The following IL17B variants were observed in gnomAD, a reference collection of about 807,000 sequenced individuals.
IL17B encodes interleukin 17B.
Under a neutral mutation model 14.7 loss-of-function variants are expected in IL17B, and 14 were observed. The observed-to-expected ratio is 0.95, with a 90% CI of 0.63 to 1.49. The LOEUF is 1.49. Among genes scored for constraint, IL17B ranks in the 40% most tolerant of loss-of-function variants. The probability of loss-of-function intolerance (pLI) is 0.00; values close to 1 mark genes in which losing one functional copy is unlikely to be tolerated. For missense variants in IL17B, 233 were observed against 252.8 expected (o/e 0.92, Z 0.53); for synonymous variants, 105 against 94.8 (o/e 1.11, Z -0.62).
upstream of IL17B, among the ~76,000 whole-genome samples, chr5:149,384,254 G>C (rs1758773476): frequency 6.6e-6 from 1 of 152,182 alleles, no homozygotes; most frequent in South Asian, 2.1e-4. Flanking sequence ...CATTTGCCCT[G>C]CCCCTTATTA....
rs1025773188 is a variant in IL17B at position 149,387,309 on chromosome 5, G to A, written n.96-10284C>T. ...AGTGTGGAATCTGACCATTTCCAAAGTCTGGTTCCCAGGAAAGAAGCCTCG... is the reference window on the plus strand; with the variant it reads ...AGTGTGGAATCTGACCATTTCCAAAATCTGGTTCCCAGGAAAGAAGCCTCG... On this transcript the variant is annotated intron_variant and non_coding_transcript_variant, in intron 1 of 2. Transcript: ENST00000505432. Among the ~76,000 whole-genome samples the A allele has an allele frequency of 9.2e-5, 14 of 152,328 alleles. No homozygotes were observed. The East Asian group carries it at 2.5e-3, about 27-fold the overall frequency.
chr5:149,377,119 G>A, intron 1 of IL17B, 94 bp from the exon 2 acceptor site: 1 of 1,069,664 alleles, frequency 9.3e-7, no homozygotes, highest in Non-Finnish European at 1.3e-6. Flanking sequence ...TGCTCTTAGG[G>A]GTCTCCCAGG....
At chr5:149,400,080 T>G (rs1164095725) in intron 1 of IL17B, among the ~76,000 whole-genome samples, 3 of 152,134 alleles carry the variant, frequency 2.0e-5, no homozygotes, top group Non-Finnish European at 2.9e-5. Context: ...TCCCCAAATT[T>G]CTATGTTTAA....
intron 1 of IL17B, among the ~76,000 whole-genome samples, chr5:149,390,587 G>GCGCA (rs1373900753): frequency 7.0e-5 from 8 of 114,946 alleles, no homozygotes; most frequent in South Asian, 3.2e-4. Context: ...CCCTGAGTTA[G>GCGCA]CACACACACA....
At chr5:149,388,279 A>G (rs1473544303) in intron 1 of IL17B, among the ~76,000 whole-genome samples, 1 of 152,226 alleles carries the variant, frequency 6.6e-6, no homozygotes, top group Non-Finnish European at 1.5e-5. Context: ...CAGTCTGGCC[A>G]TCACATGGCT....
rs75663277 is a variant in IL17B, at chr5:149,396,372, C to G, written n.95+7736G>C. On this transcript the variant is annotated intron_variant and non_coding_transcript_variant, in intron 1 of 2. Coordinates refer to the IL17B transcript ENST00000505432. ...AAACAGTCAGGACATTTTGAAAGTGCCATTCATTGGCCAAAGTGAAGCATG... is the reference window on the plus strand; with the variant it reads ...AAACAGTCAGGACATTTTGAAAGTGGCATTCATTGGCCAAAGTGAAGCATG... Among the ~76,000 whole-genome samples, 1,199 of 152,238 alleles carry G rather than the reference C, an allele frequency of 7.9e-3. 34 individuals are homozygous for G. The East Asian group carries it at 0.093, about 12-fold the overall frequency.
intron 1 of IL17B, among the ~76,000 whole-genome samples, chr5:149,396,308 A>T (rs1759090640): frequency 6.6e-6 from 1 of 152,240 alleles, no homozygotes; most frequent in Admixed American, 6.5e-5. Flanking sequence ...TTCAGACCTA[A>T]CAGGGACATG....
At chr5:149,383,140 CA>C (rs1758742654), upstream of IL17B, among the ~76,000 whole-genome samples, 1 of 152,204 alleles carries the variant, frequency 6.6e-6, no homozygotes, top group South Asian at 2.1e-4. Context: ...ACTTGGCTCT[CA>C]GTGGATTGTT....
chr5:149,398,816 G>A (rs1759149799), intron 1 of IL17B, among the ~76,000 whole-genome samples: 1 of 152,216 alleles, frequency 6.6e-6, no homozygotes, highest in Non-Finnish European at 1.5e-5. Context: ...TGAGGCAGGA[G>A]AATCTCTTGA....
intron 1 of IL17B, among the ~76,000 whole-genome samples, chr5:149,391,307 G>A (rs1021945613): frequency 6.6e-6 from 1 of 152,146 alleles, no homozygotes; most frequent in African/African-American, 2.4e-5. Flanking sequence ...AACTCTGGGT[G>A]GGATGGTCCC....
At chr5:149,383,224 T>C (rs1319662334), upstream of IL17B, among the ~76,000 whole-genome samples, 2 of 152,234 alleles carry the variant, frequency 1.3e-5, no homozygotes, top group African/African-American at 4.8e-5. Flanking sequence ...ACCCCATTAA[T>C]GGTAGCTGCA....
At position 149,374,873 on chromosome 5, in the gene IL17B, T is replaced by C. The variant is rs1758482204; in HGVS notation, c.312-273A>G. Reference sequence around the variant, plus strand: ...TGCAGCCAGATGCCCATCCCAGTACTAGGTTGCGCTGTGGGGATTGTGGAG... The same window carrying C: ...TGCAGCCAGATGCCCATCCCAGTACCAGGTTGCGCTGTGGGGATTGTGGAG... On this transcript the variant is annotated intron_variant, in intron 2 of 2. Transcript: ENST00000261796. The surrounding 1 kb of genome is among the most constrained non-coding windows in gnomAD (Gnocchi z 5.0). 2.5e-6 allele frequency: 1 copy of C among 404,554 alleles called. No homozygotes were observed. The highest frequency in any genetic ancestry group is 2.0e-5 in the African/African-American group (1 of 50,568). The allele number at this position is 404,554 out of a possible 1,614,324, so 25.1% of individuals were successfully genotyped here.
At chr5:149,399,408 A>G (rs999673785) in intron 1 of IL17B, among the ~76,000 whole-genome samples, 7 of 152,206 alleles carry the variant, frequency 4.6e-5, no homozygotes, top group African/African-American at 1.7e-4. Context: ...CATGCACACA[A>G]TTGCACACAA....
chr5:149,378,153 A>G (rs191082423), intron 1 of IL17B, among the ~76,000 whole-genome samples: 113 of 152,332 alleles, frequency 7.4e-4, no homozygotes, highest in African/African-American at 2.4e-3. Context: ...AAAAAAAAGA[A>G]AAAAGAACTT....
At chr5:149,387,614 T>C (rs914428451) in intron 1 of IL17B, among the ~76,000 whole-genome samples, 3 of 149,618 alleles carry the variant, frequency 2.0e-5, no homozygotes, top group African/African-American at 4.9e-5. Flanking sequence ...TACAAAAAAA[T>C]AATTTAAAAA....
At chr5:149,403,544 T>C (rs1759255646) in intron 1 of IL17B, among the ~76,000 whole-genome samples, 1 of 152,212 alleles carries the variant, frequency 6.6e-6, no homozygotes, top group African/African-American at 2.4e-5. Flanking sequence ...AGAGAACATA[T>C]GGGGCTTGAT....
chr5:149,399,564 G>A (rs10054004), intron 1 of IL17B, among the ~76,000 whole-genome samples: 32,341 of 151,948 alleles, frequency 0.21, 4,803 homozygotes, highest in African/African-American at 0.42. Context: ...ACAAATTTAC[G>A]AAGTTAGTTC....
At chr5:149,394,010 C>T (rs552317457) in intron 1 of IL17B, among the ~76,000 whole-genome samples, 6 of 152,182 alleles carry the variant, frequency 3.9e-5, no homozygotes, top group South Asian at 2.1e-4. Context: ...TTTTAAAATT[C>T]GTTAAAAGAC....
chr5:149,376,978 C>A lies in IL17B; in HGVS notation c.69G>T (p.Arg23Ser). The change falls in exon 2 of 3, where the codon AGG becomes AGT. Residue 23 changes from arginine (R) to serine (S), a missense_variant. By Grantham distance (110) the Arg-to-Ser change is moderately radical (BLOSUM62 -1). Transcript: ENST00000261796. Reference protein sequence around the residue: ...ISIFLGLGQPRSPKSKRKGQG... With the variant: ...ISIFLGLGQPSSPKSKRKGQG... ...GCCCCTTCCTCTTGCTTTTGGGGCT[C>A]CTGGGCTGGCCCAGCCCCAGGAAGA... 1 of 1,596,498 alleles carries A rather than the reference C, an allele frequency of 6.3e-7. No individual in the cohort carries two copies.
Sources: allele counts gnomAD v4.1 joint callset (sites outside exome capture counted in the v4.1 genomes callset), GRCh38; gene constraint gnomAD v4.1.1; non-coding constraint Gnocchi (gnomAD v3.1); transcripts MANE v1.5; gene names NCBI Gene and HGNC (gene_info 2026-07-23, HGNC 2026-07-21).